The following HELZ variants were observed in gnomAD, a reference collection of about 807,000 sequenced individuals.
HELZ encodes ATP-dependent RNA helicase with zinc finger domain.
HELZ carries 23 observed loss-of-function variants against 218.2 expected under a neutral mutation model. The observed-to-expected ratio is 0.11, with a 90% CI of 0.08 to 0.15. The LOEUF (loss-of-function observed/expected upper bound fraction) is 0.15. Ranked by LOEUF, HELZ falls within the 10% of genes least tolerant of loss-of-function variation. The pLI is 1.00. For synonymous variants in HELZ, 814 were observed against 829.4 expected (o/e 0.98, Z 0.32); for missense variants, 1,813 against 2,353.7 (o/e 0.77, Z 4.75).
chr17:67,213,758 A>G (rs940555932), intron 5 of HELZ, among the ~76,000 whole-genome samples: 4 of 152,218 alleles, frequency 2.6e-5, no homozygotes, highest in African/African-American at 9.7e-5. Flanking sequence ...ATAATGACAA[A>G]CCAGAAAACT....
chr17:67,086,627 T>TATAA (rs1335253062), intron 32 of HELZ, among the ~76,000 whole-genome samples: 3 of 50,502 alleles, frequency 5.9e-5, no homozygotes, highest in East Asian at 3.4e-3. Context: ...TAAATATAAA[T>TATAA]ATAAATATAT....
intron 12 of HELZ, among the ~76,000 whole-genome samples, chr17:67,180,673 T>C (rs1598381064): frequency 1.3e-5 from 2 of 150,660 alleles, no homozygotes; most frequent in East Asian, 2.0e-4. Flanking sequence ...AGCTCAGGAG[T>C]TCAAGACCAG....
chr17:67,210,257 G>C (rs2040416857), intron 5 of HELZ, among the ~76,000 whole-genome samples: 1 of 152,152 alleles, frequency 6.6e-6, no homozygotes, highest in South Asian at 2.1e-4. Context: ...TCAGAAGAAA[G>C]GTAGTTACAG....
At chr17:67,192,116 C>T (rs550247088) in intron 9 of HELZ, among the ~76,000 whole-genome samples, 3 of 151,984 alleles carry the variant, frequency 2.0e-5, no homozygotes, top group East Asian at 2.0e-4. Flanking sequence ...GCAGGAGAAT[C>T]GCTTGAACCC....
At chr17:67,126,720 G>A (rs933191588) in intron 24 of HELZ, among the ~76,000 whole-genome samples, 6 of 143,154 alleles carry the variant, frequency 4.2e-5, no homozygotes, top group Non-Finnish European at 9.6e-5. Flanking sequence ...AAACTACTGG[G>A]CATGGTGGCG....
intron 10 of HELZ, 23 bp from the exon 11 acceptor site, chr17:67,189,719 G>A: frequency 6.9e-7 from 1 of 1,456,944 alleles, no homozygotes; most frequent in African/African-American, 1.4e-5. Flanking sequence ...AGCAATTTAT[G>A]TTATGTTTTT....
rs1195051244 is a variant in HELZ, at chr17:67,189,646, T to C, written c.807A>G (p.Ser269=). ...GVKVEHNPDL[S]VTVSTKKSHQ... Reference sequence around the variant, plus strand: ...GGGATTTTTTGGTGCTGACAGTAACTGACAGGTCAGGATTGTGCTCTACCT... The same window carrying C: ...GGGATTTTTTGGTGCTGACAGTAACCGACAGGTCAGGATTGTGCTCTACCT... The change falls in exon 11 of 33, where the codon TCA becomes TCG. Residue 269 remains serine (S), a synonymous_variant. Transcript: ENST00000358691. The C allele has an allele frequency of 6.2e-7, 1 of 1,613,820 alleles. No homozygotes were observed. Among genetic ancestry groups the C allele is most frequent in the Non-Finnish European group, 8.5e-7 (1 of 1,179,766 alleles).
rs78462651 is a variant in HELZ, at chr17:67,128,266, G to A, written c.3387+385C>T. Among the ~76,000 whole-genome samples the A allele has an allele frequency of 6.4e-3, 971 of 152,164 alleles. 10 individuals carry two copies. The highest frequency in any genetic ancestry group is 0.022 in the African/African-American group (925 of 41,508). ...GAATTATTTGCTTTATACAAATATC[G>A]TTATTATAACATTATTCCTTATAAA... On this transcript the variant is annotated intron_variant, in intron 24 of 32. Transcript: ENST00000358691.
At chr17:67,095,901 T>A (rs1169349761) in intron 31 of HELZ, among the ~76,000 whole-genome samples, 2 of 152,214 alleles carry the variant, frequency 1.3e-5, no homozygotes, top group South Asian at 2.1e-4. Context: ...ATTTACTTTG[T>A]CCAGATCCAT....
intron 20 of HELZ, among the ~76,000 whole-genome samples, chr17:67,148,359 T>C (rs1355148266): frequency 6.6e-6 from 1 of 152,198 alleles, no homozygotes; most frequent in African/African-American, 2.4e-5. Context: ...TTTCAGAGTT[T>C]TTCCCAAAAT....
At chr17:67,147,509 G>C (rs2038536961) in intron 20 of HELZ, among the ~76,000 whole-genome samples, 1 of 152,076 alleles carries the variant, frequency 6.6e-6, no homozygotes, top group Non-Finnish European at 1.5e-5. Flanking sequence ...ACAGGGTCTT[G>C]CTCTGTCGCC....
chr17:67,114,725 C>G (rs2037379416), intron 27 of HELZ, among the ~76,000 whole-genome samples: 1 of 152,220 alleles, frequency 6.6e-6, no homozygotes, highest in Non-Finnish European at 1.5e-5. Context: ...GTGTTAAAGG[C>G]CTTCGCCTTC....
At chr17:67,134,121 C>T (rs545200858) in intron 23 of HELZ, among the ~76,000 whole-genome samples, 3 of 152,158 alleles carry the variant, frequency 2.0e-5, no homozygotes, top group Non-Finnish European at 4.4e-5. Flanking sequence ...CGGTGGCTCA[C>T]GCCTGTAATC....
rs1264643731 is a variant in HELZ at position 67,093,883 on chromosome 17, C to T, written c.5242-6802G>A. The stretch of plus-strand genomic sequence containing the variant: ...TTAATGTCATTTTAGCCTTATAAAA[C>T]TCAATCATAATGACAGAAGCAAAAA... On this transcript the variant is annotated intron_variant, in intron 31 of 32. Transcript: ENST00000358691. Among the ~76,000 whole-genome samples the T allele has an allele frequency of 2.0e-5, 3 of 152,144 alleles. No individual in the cohort carries two copies. In the East Asian group the frequency reaches 5.8e-4, roughly 29 times the overall value.
At chr17:67,229,471 A>AT (rs2040980000) in intron 3 of HELZ, among the ~76,000 whole-genome samples, 1 of 152,322 alleles carries the variant, frequency 6.6e-6, no homozygotes, top group East Asian at 1.9e-4. Context: ...TGAATCATCT[A>AT]TTATCTTGAG....
chr17:67,218,969 T>C, intron 3 of HELZ, 147 bp from the exon 4 acceptor site: 3 of 605,580 alleles, frequency 5.0e-6, no homozygotes, highest in Non-Finnish European at 5.8e-6. Context: ...GCAGCAGCTA[T>C]TGATGCTACA....
At chr17:67,125,085 C>G (rs1340277749) in intron 24 of HELZ, among the ~76,000 whole-genome samples, 1 of 151,160 alleles carries the variant, frequency 6.6e-6, no homozygotes, top group Non-Finnish European at 1.5e-5. Context: ...ATTTACCTAC[C>G]TATCTAACTG....
chr17:67,191,748 G>A lies in HELZ; in HGVS notation c.558-1393C>T, dbSNP rs543539248. Among the ~76,000 whole-genome samples the A allele has an allele frequency of 4.0e-5, 6 of 150,258 alleles. No homozygotes were observed. The South Asian group carries it at 1.1e-3, about 26-fold the overall frequency. ...ATTACAGGCATGAGTCACCATGCCC[G>A]GCCCTGATCATTAACTTTTTTTTTT... is the stretch of plus-strand genomic sequence containing the variant. On this transcript the variant is annotated intron_variant, in intron 9 of 32. Transcript: ENST00000358691.
intron 24 of HELZ, among the ~76,000 whole-genome samples, chr17:67,126,277 G>C (rs1316023666): frequency 6.6e-6 from 1 of 152,104 alleles, no homozygotes; most frequent in Non-Finnish European, 1.5e-5. Flanking sequence ...CCATAATCTA[G>C]GGTAATCCTA....
Sources: allele counts gnomAD v4.1 joint callset (sites outside exome capture counted in the v4.1 genomes callset), GRCh38; gene constraint gnomAD v4.1.1; transcripts MANE v1.5; gene names NCBI Gene and HGNC (gene_info 2026-07-23, HGNC 2026-07-21).